The following IRF2 variants were observed in gnomAD, a reference collection of about 807,000 sequenced individuals.
IRF2 encodes the protein interferon regulatory factor 2.
A neutral mutation model predicts 40.6 loss-of-function variants in IRF2; 15 were observed. The ratio of observed to expected loss-of-function variants is 0.37; its 90% confidence interval spans 0.25 to 0.57. The LOEUF is 0.57. Among genes scored for constraint, IRF2 ranks in the 20% least tolerant of loss-of-function variants. The pLI is 0.77. For synonymous variants in IRF2, 151 were observed against 165.5 expected, an observed-to-expected ratio of 0.91 and a Z score of 0.67; for missense variants, 317 against 455.7, an observed-to-expected ratio of 0.70 and a Z score of 2.77.
intron 1 of IRF2, among the ~76,000 whole-genome samples, chr4:184,430,261 C>G (rs570412748): frequency 3.9e-5 from 6 of 152,246 alleles, no homozygotes; most frequent in Non-Finnish European, 1.5e-5. Flanking sequence ...TGGGCCTCAC[C>G]CTGGGCCTGT....
At chr4:184,423,793 CAG>C (rs1399091801) in intron 2 of IRF2, among the ~76,000 whole-genome samples, 1 of 152,162 alleles carries the variant, frequency 6.6e-6, no homozygotes, top group Non-Finnish European at 1.5e-5. Flanking sequence ...AGGAAAAAAA[CAG>C]AGGCCCACAG....
chr4:184,447,628 G>C (rs1738560537), intron 1 of IRF2, among the ~76,000 whole-genome samples: 1 of 152,194 alleles, frequency 6.6e-6, no homozygotes, highest in South Asian at 2.1e-4. Flanking sequence ...TTAATTAAAA[G>C]ATCAAATGAA....
At chr4:184,458,022 G>A (rs575008062) in intron 1 of IRF2, among the ~76,000 whole-genome samples, 59 of 152,204 alleles carry the variant, frequency 3.9e-4, no homozygotes, top group African/African-American at 1.2e-3. Context: ...CACCAGGAAC[G>A]GAAGAAACTG....
intron 2 of IRF2, among the ~76,000 whole-genome samples, chr4:184,421,905 T>C (rs1737496560): frequency 6.6e-6 from 1 of 152,190 alleles, no homozygotes. Flanking sequence ...TGTTAAAATT[T>C]GATCGCTAGT....
At chr4:184,428,649 A>T (rs1387206115) in intron 2 of IRF2, 2 of 454,736 alleles carry the variant, frequency 4.4e-6, no homozygotes, top group Non-Finnish European at 8.8e-6. Context: ...AAATACAAAA[A>T]TTGGCCAGGT....
chr4:184,462,033 T>G (rs1296303509), intron 1 of IRF2, among the ~76,000 whole-genome samples: 1 of 152,166 alleles, frequency 6.6e-6, no homozygotes, highest in African/African-American at 2.4e-5. Context: ...AAACAGTGTG[T>G]ATGAGTTAAG....
At chr4:184,454,711 CT>C (rs1299204909) in intron 1 of IRF2, among the ~76,000 whole-genome samples, 2 of 152,168 alleles carry the variant, frequency 1.3e-5, no homozygotes, top group Admixed American at 6.5e-5. Context: ...GTAGTGGGAG[CT>C]CAGATTTGGC....
At chr4:184,430,706 T>C (rs1341109335) in intron 1 of IRF2, among the ~76,000 whole-genome samples, 1 of 152,124 alleles carries the variant, frequency 6.6e-6, no homozygotes, top group Non-Finnish European at 1.5e-5. Flanking sequence ...CATCACCTTT[T>C]TTTTCTGGAG....
intron 6 of IRF2, among the ~76,000 whole-genome samples, chr4:184,406,896 G>A (rs1736878870): frequency 6.6e-6 from 1 of 152,278 alleles, no homozygotes; most frequent in South Asian, 2.1e-4. Context: ...TATCCTACAG[G>A]GGGCACTTTG....
chr4:184,400,901 G>T (rs1357313522), intron 6 of IRF2, among the ~76,000 whole-genome samples: 1 of 152,206 alleles, frequency 6.6e-6, no homozygotes, highest in African/African-American at 2.4e-5. Flanking sequence ...TAAAGGTGAA[G>T]AAATAATTCC....
chr4:184,390,237 C>T (rs563723233), intron 8 of IRF2, among the ~76,000 whole-genome samples: 2 of 152,270 alleles, frequency 1.3e-5, no homozygotes, highest in Admixed American at 6.5e-5. Context: ...GGGACCCACT[C>T]GGAATCGAGA....
At chr4:184,447,883 C>A (rs1249683676) in intron 1 of IRF2, among the ~76,000 whole-genome samples, 2 of 152,224 alleles carry the variant, frequency 1.3e-5, no homozygotes, top group African/African-American at 2.4e-5. Context: ...ATCAGATTCT[C>A]CTGCTGCAAG....
intron 5 of IRF2, among the ~76,000 whole-genome samples, chr4:184,409,075 C>T (rs531929188): frequency 1.3e-4 from 20 of 152,206 alleles, no homozygotes; most frequent in African/African-American, 4.6e-4. Flanking sequence ...TGCCTGTGGA[C>T]GTTCAGCTCT....
intron 1 of IRF2, among the ~76,000 whole-genome samples, chr4:184,433,762 T>C (rs1737976110): frequency 6.6e-6 from 1 of 152,138 alleles, no homozygotes; most frequent in East Asian, 1.9e-4. Context: ...ACTTGATTTT[T>C]CTCCCCTGAC....
At chr4:184,457,707 C>T (rs532711646) in intron 1 of IRF2, among the ~76,000 whole-genome samples, 24 of 152,218 alleles carry the variant, frequency 1.6e-4, no homozygotes, top group South Asian at 1.0e-3. Context: ...CGCAATGGAC[C>T]GCAGACTACA....
intron 1 of IRF2, among the ~76,000 whole-genome samples, chr4:184,431,389 G>T (rs987254879): frequency 6.6e-6 from 1 of 152,212 alleles, no homozygotes; most frequent in African/African-American, 2.4e-5. Context: ...CTGGAAAGAA[G>T]GGAGGTACCA....
chr4:184,453,091 T>C (rs1738786201), intron 1 of IRF2, among the ~76,000 whole-genome samples: 1 of 152,198 alleles, frequency 6.6e-6, no homozygotes, highest in Non-Finnish European at 1.5e-5. Flanking sequence ...ACACATGTAA[T>C]ATTCTTTTCT....
At position 184,472,858 on chromosome 4, in the gene IRF2, T is replaced by C. The variant is rs113908218; in HGVS notation, c.-7+1521A>G. 1.3e-3 allele frequency among the ~76,000 whole-genome samples: 205 copies of C among 152,298 alleles called. 3 individuals are homozygous for C. Among genetic ancestry groups the C allele is most frequent in the African/African-American group, 4.7e-3 (195 of 41,566 alleles). On this transcript the variant is annotated intron_variant, in intron 1 of 8. Transcript: ENST00000393593. ...GTTTCACCTGGTGCCCGACCACGGC[T>C]CTGGCGCCCTGCCCAGGCTGCCCGC...
At chr4:184,404,955 A>T (rs1736797932) in intron 6 of IRF2, among the ~76,000 whole-genome samples, 1 of 152,164 alleles carries the variant, frequency 6.6e-6, no homozygotes, top group Non-Finnish European at 1.5e-5. Flanking sequence ...GTAAAAACTC[A>T]GTAGAGGCCA....
Sources: allele counts gnomAD v4.1 joint callset (sites outside exome capture counted in the v4.1 genomes callset), GRCh38; gene constraint gnomAD v4.1.1; transcripts MANE v1.5; gene names NCBI Gene and HGNC (gene_info 2026-07-23, HGNC 2026-07-21).